The following AFF3 variants were observed in gnomAD, a reference collection of about 807,000 sequenced individuals.
The protein encoded by AFF3 is AF4/FMR2 family member 3.
AFF3 carries 32 observed loss-of-function variants against 129.7 expected under a neutral mutation model. That is an observed-to-expected ratio of 0.25 (90% CI 0.19 to 0.33). The LOEUF is 0.33. Among genes scored for constraint, AFF3 ranks in the 10% least tolerant of loss-of-function variants. AFF3 has a pLI of 1.00. For missense variants in AFF3, 1,373 were observed against 1,592.0 expected, an observed-to-expected ratio of 0.86 and a Z score of 2.34; for synonymous variants, 644 against 635.4, an observed-to-expected ratio of 1.01 and a Z score of -0.20.
At chr2:99,558,188 A>C (rs527560132) in intron 22 of AFF3, among the ~76,000 whole-genome samples, 1 of 152,360 alleles carries the variant, frequency 6.6e-6, no homozygotes, top group South Asian at 2.1e-4. Flanking sequence ...AGACTGGCTA[A>C]GAGGGAATGG....
At chr2:99,889,203 G>A (rs1217639155) in intron 7 of AFF3, among the ~76,000 whole-genome samples, 2 of 151,876 alleles carry the variant, frequency 1.3e-5, no homozygotes, top group Non-Finnish European at 2.9e-5. Flanking sequence ...TCACAGGCGA[G>A]ATCATAGCTC....
intron 14 of AFF3, 30 bp downstream of exon 14, chr2:99,601,405 G>A: frequency 6.4e-7 from 1 of 1,560,872 alleles, no homozygotes; most frequent in Non-Finnish European, 8.7e-7. Context: ...GAAGTGGGCA[G>A]AGGAGAGGCC....
chr2:99,720,417 C>T (rs1379146368), intron 11 of AFF3, among the ~76,000 whole-genome samples: 1 of 152,162 alleles, frequency 6.6e-6, no homozygotes, highest in Non-Finnish European at 1.5e-5. Context: ...AGGTTTCCCT[C>T]TTCGCACCTG....
intron 11 of AFF3, among the ~76,000 whole-genome samples, chr2:99,684,394 G>A (rs1018642124): frequency 6.6e-6 from 1 of 152,142 alleles, no homozygotes; most frequent in Non-Finnish European, 1.5e-5. Flanking sequence ...TCCAGTTCCT[G>A]GAAAACGTGC....
In AFF3 at chr2:99,829,871, G is replaced by A. The variant is rs1688382173; in HGVS notation, c.921+7606C>T. On this transcript the variant is annotated intron_variant, in intron 8 of 24. Transcript: ENST00000672756. ...CACTATTTACAATAGCAAAGACTTG[G>A]AACCAACCCAAATGCTCATCAATGA... Among the ~76,000 whole-genome samples the A allele has an allele frequency of 3.3e-5, 5 of 152,094 alleles. No individual in the cohort carries two copies. The South Asian group carries it at 1.0e-3, about 31-fold the overall frequency.
intron 13 of AFF3, among the ~76,000 whole-genome samples, chr2:99,619,251 G>C (rs551097043): frequency 1.3e-5 from 2 of 152,356 alleles, no homozygotes; most frequent in African/African-American, 4.8e-5. Flanking sequence ...AATGTCAGCA[G>C]CATGTGGTGT....
At chr2:99,742,955 G>C (rs1261503684) in intron 10 of AFF3, among the ~76,000 whole-genome samples, 5 of 152,228 alleles carry the variant, frequency 3.3e-5, no homozygotes, top group African/African-American at 9.6e-5. Flanking sequence ...TCAATGGTGA[G>C]ACACAGGGAG....
intron 4 of AFF3, among the ~76,000 whole-genome samples, chr2:100,057,318 C>T: frequency 1.1e-5 from 1 of 88,214 alleles, no homozygotes; most frequent in Non-Finnish European, 2.3e-5. Context: ...AAGACTCTGT[C>T]TCAAAAAAAA....
chr2:99,933,988 C>A (rs1674288649), intron 7 of AFF3, among the ~76,000 whole-genome samples: 1 of 152,170 alleles, frequency 6.6e-6, no homozygotes, highest in South Asian at 2.1e-4. Context: ...GCATAATATC[C>A]ACCATGCATT....
At chr2:99,938,484 G>A (rs1674729168) in intron 7 of AFF3, among the ~76,000 whole-genome samples, 1 of 152,110 alleles carries the variant, frequency 6.6e-6, no homozygotes, top group African/African-American at 2.4e-5. Context: ...AGCTTTATAT[G>A]TCAACCTAGC....
chr2:99,648,881 G>GCACACACACACACC (rs367768868), intron 13 of AFF3, among the ~76,000 whole-genome samples: 1 of 64,916 alleles, frequency 1.5e-5, no homozygotes, highest in Admixed American at 1.8e-4. Flanking sequence ...CTCAAAACAC[G>GCACACACACACACC]CGCGCACACA....
At chr2:99,762,070 C>T (rs900328441) in intron 8 of AFF3, among the ~76,000 whole-genome samples, 2 of 151,926 alleles carry the variant, frequency 1.3e-5, no homozygotes, top group African/African-American at 4.8e-5. Context: ...TGAAGGTGAC[C>T]TGTGCTACCC....
chr2:100,104,824 CGGT>C (rs1360410778), intron 3 of AFF3: 4 of 607,592 alleles, frequency 6.6e-6, no homozygotes, highest in African/African-American at 2.0e-5. Context: ...GCCGCCGCCG[CGGT>C]GCTCTGCGCC....
chr2:99,549,539 C>A lies in AFF3; in HGVS notation c.*1935G>T, dbSNP rs1041525383. 5 of 184,290 alleles carry A rather than the reference C, an allele frequency of 2.7e-5. No homozygotes were observed. Among genetic ancestry groups the A allele is most frequent in the Admixed American group, 1.2e-4 (2 of 16,050 alleles). 11.4% of individuals were successfully genotyped at this position (184,290 alleles called of 1,614,324 possible). A position where few individuals can be genotyped will look rare whatever the true frequency, so the allele number is the denominator to read the frequency against. On this transcript the variant is annotated 3_prime_UTR_variant, in exon 25 of 25. Transcript: ENST00000672756. ...GGCAGAGGATGCAGTGAGCCGAGATCGTGCCACTGCACTCCAGCCTGGGCA... is the reference window on the plus strand; with the variant it reads ...GGCAGAGGATGCAGTGAGCCGAGATAGTGCCACTGCACTCCAGCCTGGGCA...
At chr2:99,753,864 C>A (rs1558817821) in intron 8 of AFF3, among the ~76,000 whole-genome samples, 1 of 152,188 alleles carries the variant, frequency 6.6e-6, no homozygotes, top group Non-Finnish European at 1.5e-5. Context: ...TCCAGTGACC[C>A]TTTAAACTGT....
chr2:99,842,085 T>C (rs1689356572), intron 7 of AFF3, among the ~76,000 whole-genome samples: 1 of 152,072 alleles, frequency 6.6e-6, no homozygotes, highest in Non-Finnish European at 1.5e-5. Context: ...ACCCCTTCTG[T>C]GACATTAAAA....
At chr2:99,592,405 T>A (rs993078045) in intron 15 of AFF3, among the ~76,000 whole-genome samples, 1 of 152,106 alleles carries the variant, frequency 6.6e-6, no homozygotes, top group Non-Finnish European at 1.5e-5. Context: ...TGCATCAGGG[T>A]CTGCCGTATT....
intron 8 of AFF3, among the ~76,000 whole-genome samples, chr2:99,835,602 G>C (rs941718704): frequency 6.6e-6 from 1 of 152,104 alleles, no homozygotes; most frequent in Non-Finnish European, 1.5e-5. Flanking sequence ...AGTAGGGAGA[G>C]AGAGTAAAAA....
At chr2:99,774,912 G>C (rs1382635019) in intron 8 of AFF3, among the ~76,000 whole-genome samples, 1 of 151,816 alleles carries the variant, frequency 6.6e-6, no homozygotes, top group African/African-American at 2.4e-5. Flanking sequence ...AAAATAAACC[G>C]CTCCATGAAA....
Sources: gnomAD v4.1 joint callset for allele counts (sites outside exome capture counted in the v4.1 genomes callset) on GRCh38, gnomAD v4.1.1 for gene constraint, MANE v1.5 for transcripts, NCBI Gene and HGNC (gene_info 2026-07-23, HGNC 2026-07-21) for gene names.